Variants in SMAD2 observed in about 807,000 individuals in gnomAD.
The protein encoded by SMAD2 is MAD homolog 2.
Under a neutral mutation model 64.4 loss-of-function variants are expected in SMAD2, and 8 were observed. The observed-to-expected ratio is 0.12, with a 90% CI of 0.07 to 0.22. The LOEUF (loss-of-function observed/expected upper bound fraction) is 0.22. SMAD2 is among the 10% of genes least tolerant of loss of function. The probability of loss-of-function intolerance (pLI) is 1.00; values close to 1 mark genes in which losing one functional copy is unlikely to be tolerated. For missense variants in SMAD2, 289 were observed against 561.2 expected (o/e 0.51, Z 4.90); for synonymous variants, 203 against 195.8 (o/e 1.04, Z -0.31).
intron 1 of SMAD2, among the ~76,000 whole-genome samples, chr18:47,902,477 A>T (rs1212140358): frequency 6.6e-6 from 1 of 152,222 alleles, no homozygotes; most frequent in East Asian, 1.9e-4. Flanking sequence ...TAATTTCAAA[A>T]TAAGACACAA....
Position 47,851,259 on chromosome 18 carries a change from A to T in SMAD2, c.784+15T>A, listed in dbSNP as rs564369229. On this transcript the variant is annotated intron_variant, in intron 7 of 10. Coordinates refer to ENST00000262160, the MANE Select transcript of SMAD2 (RefSeq NM_005901.6). ...ACAGTATAAAAATGATGAGGGGAAC[A>T]TATGTGCAACTTACCCAAGCTATGA... The T allele has an allele frequency of 6.4e-7, 1 of 1,573,412 alleles. No homozygotes were observed. Among genetic ancestry groups the T allele is most frequent in the African/African-American group, 1.4e-5 (1 of 74,052 alleles).
In SMAD2 at chr18:47,819,731, G is replaced by C. The variant is rs1259465525; in HGVS notation, c.*22096C>G. On this transcript the variant is annotated 3_prime_UTR_variant, in exon 11 of 11. Coordinates refer to ENST00000262160, the MANE Select transcript of SMAD2 (RefSeq NM_005901.6). ...GAATGGCATGAACCCAGAAGGCGGA[G>C]CTTGCAGTGAGCCGAGATCACGCCA... 3 of 146,748 alleles carry C rather than the reference G, an allele frequency of 2.0e-5. No individual in the cohort carries two copies. Among genetic ancestry groups the C allele is most frequent in the African/African-American group, 7.5e-5 (3 of 39,850 alleles). 9.1% of individuals were successfully genotyped at this position (146,748 alleles called of 1,614,324 possible).
At chr18:47,897,887 AT>A (rs1205671766) in intron 1 of SMAD2, among the ~76,000 whole-genome samples, 1 of 152,206 alleles carries the variant, frequency 6.6e-6, no homozygotes, top group Non-Finnish European at 1.5e-5. Flanking sequence ...AGGAAAATGA[AT>A]GTGTTCAATT....
Position 47,845,328 on chromosome 18 carries a change from T to C in SMAD2, c.1280+12A>G, listed in dbSNP as rs200110876. ...ACTGTGGAAATTTAAGAACCAAATA[T>C]GTATTTCATACCGGTATTCTGCTCC... On this transcript the variant is annotated intron_variant, in intron 10 of 10. Transcript: ENST00000262160. 1.0e-4 allele frequency: 164 copies of C among 1,611,812 alleles called. No individual in the cohort carries two copies. In the South Asian group the frequency reaches 1.5e-3, roughly 15 times the overall value.
At chr18:47,899,399 GA>G (rs34550302) in intron 1 of SMAD2, among the ~76,000 whole-genome samples, 86,806 of 151,174 alleles carry the variant, frequency 0.57, 25,287 homozygotes, top group East Asian at 0.85. Context: ...CAAGTTCAGT[GA>G]AAAAAAAATT....
intron 2 of SMAD2, among the ~76,000 whole-genome samples, chr18:47,880,703 T>C (rs112816296): frequency 0.017 from 2,611 of 152,312 alleles, 66 homozygotes; most frequent in African/African-American, 0.059. Flanking sequence ...TAGGATTGTA[T>C]GCTAGACATT....
rs1913795024 is a variant in SMAD2 at position 47,840,081 on chromosome 18, T to C, written c.*1746A>G. 8.6e-6 allele frequency: 2 copies of C among 233,056 alleles called. No homozygotes were observed. Among genetic ancestry groups the C allele is most frequent in the Admixed American group, 5.6e-5 (1 of 17,774 alleles). 14.4% of individuals were successfully genotyped at this position (233,056 alleles called of 1,614,324 possible). ...GTACAAACAGGTGAACAATAAATAT[T>C]TGTTGAATGAATAAAAAATTACTAT... On this transcript the variant is annotated 3_prime_UTR_variant, in exon 11 of 11. Coordinates refer to ENST00000262160, the MANE Select transcript of SMAD2 (RefSeq NM_005901.6).
rs7240538 is a variant in SMAD2, at chr18:47,817,561, A to G, written c.*24266T>C. The G allele has an allele frequency of 0.029, 4,420 of 152,682 alleles. 218 individuals are homozygous for G. The highest frequency in any genetic ancestry group is 0.1 in the African/African-American group (4,182 of 41,508). 9.5% of individuals were successfully genotyped at this position (152,682 alleles called of 1,614,324 possible). On this transcript the variant is annotated 3_prime_UTR_variant, in exon 11 of 11. Transcript: ENST00000262160. ...AGCGATCCTCCTGCCTTGGCCTCCC[A>G]AAGTGCTGGGATTACAGGCATGGGC...
intron 1 of SMAD2, among the ~76,000 whole-genome samples, chr18:47,900,641 C>T (rs964801559): frequency 5.9e-5 from 9 of 152,014 alleles, no homozygotes; most frequent in East Asian, 1.9e-4. Flanking sequence ...TTCATTATTT[C>T]TTTACTTCTA....
intron 1 of SMAD2, among the ~76,000 whole-genome samples, chr18:47,919,178 C>T (rs575993440): frequency 2.6e-5 from 4 of 151,968 alleles, no homozygotes; most frequent in Non-Finnish European, 5.9e-5. Context: ...GCAATGGCTT[C>T]GTAATTCTGG....
rs72661148 is a variant in SMAD2, at chr18:47,845,324, A to G, written c.1280+16T>C. 53,708 of 1,610,112 alleles carry G rather than the reference A, an allele frequency of 0.033. 1,067 individuals are homozygous for G. The highest frequency in any genetic ancestry group is 0.041 in the Non-Finnish European group (47,989 of 1,176,604). ...TTACACTGTGGAAATTTAAGAACCA[A>G]ATATGTATTTCATACCGGTATTCTG... is the stretch of plus-strand genomic sequence containing the variant. On this transcript the variant is annotated intron_variant, in intron 10 of 10. Transcript: ENST00000262160.
intron 1 of SMAD2, among the ~76,000 whole-genome samples, chr18:47,906,501 C>G (rs1326461418): frequency 6.6e-6 from 1 of 152,136 alleles, no homozygotes; most frequent in Non-Finnish European, 1.5e-5. Context: ...AAAACGCAAA[C>G]TAAAACCATA....
At chr18:47,903,876 TGG>T (rs61222491) in intron 1 of SMAD2, among the ~76,000 whole-genome samples, 1,537 of 49,030 alleles carry the variant, frequency 0.031, 62 homozygotes, top group African/African-American at 0.12. Context: ...AAAAACAGTG[TGG>T]GGGGGGGGGG....
chr18:47,878,925 G>C (rs965691878), intron 2 of SMAD2, among the ~76,000 whole-genome samples: 1 of 152,078 alleles, frequency 6.6e-6, no homozygotes, highest in Non-Finnish European at 1.5e-5. Context: ...TTAAAAATAA[G>C]GGTGTATGTG....
intron 1 of SMAD2, among the ~76,000 whole-genome samples, chr18:47,913,298 C>G (rs2034214781): frequency 6.6e-6 from 1 of 152,132 alleles, no homozygotes; most frequent in Non-Finnish European, 1.5e-5. Context: ...TCTATAAAAC[C>G]TTTACAATAT....
chr18:47,856,919 G>A (rs1035022644), intron 6 of SMAD2, among the ~76,000 whole-genome samples: 17 of 145,770 alleles, frequency 1.2e-4, no homozygotes, highest in East Asian at 8.0e-4. Context: ...GTGCAGTGGC[G>A]GGATCTCGGC....
intron 2 of SMAD2, among the ~76,000 whole-genome samples, chr18:47,883,302 C>T (rs561803925): frequency 1.3e-5 from 2 of 152,212 alleles, no homozygotes; most frequent in South Asian, 4.1e-4. Context: ...ATTTCCAATT[C>T]TTAACAGATG....
In SMAD2 at chr18:47,820,922, CACACACACACACACACACAA is replaced by C. The variant is rs1324936663; in HGVS notation, c.*20885_*20904del. The C allele has an allele frequency of 2.1e-5, 2 of 96,610 alleles. No individual in the cohort carries two copies. The highest frequency in any genetic ancestry group is 4.0e-4 in the South Asian group (1 of 2,494). The allele number at this position is 96,610 out of a possible 1,614,324, so 6.0% of individuals were successfully genotyped here. A position where few individuals can be genotyped will look rare whatever the true frequency, so the allele number is the denominator to read the frequency against. On this transcript the variant is annotated 3_prime_UTR_variant, in exon 11 of 11. Coordinates refer to ENST00000262160, the MANE Select transcript of SMAD2 (RefSeq NM_005901.6). ...ACACACACACACACACACACACACA[CACACACACACACACACACAA>C]AATTTGGTCCCCAATGTTAGAACAA...
rs1316829886 is a variant in SMAD2, at chr18:47,836,164, C to CGTGA, written c.*5662_*5663insTCAC. 4 of 220,412 alleles carry CGTGA rather than the reference C, an allele frequency of 1.8e-5. No homozygotes were observed. Among genetic ancestry groups the CGTGA allele is most frequent in the Non-Finnish European group, 3.6e-5 (4 of 110,074 alleles). The allele number at this position is 220,412 out of a possible 1,614,324, so 13.7% of individuals were successfully genotyped here. ...TTATATTGAGCAAAGATCTGAATCACCTTCAATCAGGCTGTAAGATACTAG... is the reference window on the plus strand; with the variant it reads ...TTATATTGAGCAAAGATCTGAATCACGTGACTTCAATCAGGCTGTAAGATACTAG... On this transcript the variant is annotated 3_prime_UTR_variant, in exon 11 of 11. Coordinates refer to ENST00000262160, the MANE Select transcript of SMAD2 (RefSeq NM_005901.6).
Sources: allele counts gnomAD v4.1 joint callset (sites outside exome capture counted in the v4.1 genomes callset), GRCh38; gene constraint gnomAD v4.1.1; transcripts MANE v1.5; gene names NCBI Gene and HGNC (gene_info 2026-07-23, HGNC 2026-07-21).